RAD51B: variants seen among roughly 807,000 people sequenced by gnomAD.
RAD51B encodes DNA repair protein RAD51 homolog 2.
A neutral mutation model predicts 42.2 loss-of-function variants in RAD51B; 38 were observed. The observed-to-expected ratio is 0.90, with a 90% CI of 0.70 to 1.18. The LOEUF (loss-of-function observed/expected upper bound fraction) is 1.18. Among genes scored for constraint, RAD51B ranks in the 50% most tolerant of loss-of-function variants. The probability of loss-of-function intolerance (pLI) is 0.00; values close to 1 mark genes in which losing one functional copy is unlikely to be tolerated. For synonymous variants in RAD51B, 154 were observed against 145.2 expected (o/e 1.06, Z -0.43); for missense variants, 373 against 400.7 (o/e 0.93, Z 0.59).
chr14:68,660,550 C>A (rs1054337274), intron 11 of RAD51B, among the ~76,000 whole-genome samples: 4 of 152,196 alleles, frequency 2.6e-5, no homozygotes, highest in African/African-American at 9.7e-5. Flanking sequence ...GAGACCGAAT[C>A]AGCTCCTGGT....
At chr14:68,604,148 G>A (rs1891339729) in intron 10 of RAD51B, among the ~76,000 whole-genome samples, 1 of 152,228 alleles carries the variant, frequency 6.6e-6, no homozygotes, top group Admixed American at 6.5e-5. Context: ...AGTCCGTCTA[G>A]AAAGTCGCCT....
At chr14:68,424,056 C>T (rs1055210620) in intron 9 of RAD51B, among the ~76,000 whole-genome samples, 1 of 152,192 alleles carries the variant, frequency 6.6e-6, no homozygotes, top group Admixed American at 6.5e-5. Context: ...GTCTCTGTGG[C>T]ATCTTGCCCA....
chr14:68,457,814 T>C (rs2085739259), intron 9 of RAD51B, among the ~76,000 whole-genome samples: 1 of 147,866 alleles, frequency 6.8e-6, no homozygotes, highest in Non-Finnish European at 1.5e-5. Context: ...AGGGTTTCAC[T>C]ATGTTACCCA....
chr14:68,315,968 G>A (rs1242672783), intron 8 of RAD51B, among the ~76,000 whole-genome samples: 1 of 152,190 alleles, frequency 6.6e-6, no homozygotes, highest in African/African-American at 2.4e-5. Context: ...TCGTAGTGTT[G>A]TAATAAATAT....
At chr14:68,388,935 G>A (rs2083671364) in intron 8 of RAD51B, among the ~76,000 whole-genome samples, 1 of 152,084 alleles carries the variant, frequency 6.6e-6, no homozygotes, top group South Asian at 2.1e-4. Flanking sequence ...TCACAAGTCG[G>A]GAGCCTTCAA....
rs112102514 is a variant in RAD51B, at chr14:68,583,100, G to A, written c.1037-11385G>A. On this transcript the variant is annotated intron_variant, in intron 10 of 10. Transcript: ENST00000487270. The stretch of plus-strand genomic sequence containing the variant: ...ACAACCATGGCATGTGTATACCAGT[G>A]TAACAAATCTGCACGTTCTGCACAT... 3.5e-3 allele frequency among the ~76,000 whole-genome samples: 528 copies of A among 152,284 alleles called. 3 individuals are homozygous for A. The highest frequency in any genetic ancestry group is 0.012 in the African/African-American group (488 of 41,564).
chr14:68,651,111 A>G (rs1402465582), intron 11 of RAD51B, among the ~76,000 whole-genome samples: 1 of 152,230 alleles, frequency 6.6e-6, no homozygotes, highest in Non-Finnish European at 1.5e-5. Flanking sequence ...AAAACCTGGT[A>G]AGCATATGAC....
chr14:68,326,038 C>CTTTTTTTTTTTT (rs763428544), intron 8 of RAD51B, among the ~76,000 whole-genome samples: 3 of 80,464 alleles, frequency 3.7e-5, no homozygotes, highest in Admixed American at 1.6e-4. Context: ...TTTTTCTTTT[C>CTTTTTTTTTTTT]TTTTTTTTTT....
chr14:68,424,789 C>G (rs1467842687), intron 9 of RAD51B, among the ~76,000 whole-genome samples: 1 of 151,848 alleles, frequency 6.6e-6, no homozygotes, highest in Non-Finnish European at 1.5e-5. Context: ...CTTTTTTTTC[C>G]TTAGAGACAG....
At chr14:68,600,301 G>T (rs1891164899), downstream of RAD51B, among the ~76,000 whole-genome samples, 1 of 152,182 alleles carries the variant, frequency 6.6e-6, no homozygotes. Flanking sequence ...CAGGGGACTG[G>T]GCCCGTCATG....
intron 7 of RAD51B, among the ~76,000 whole-genome samples, chr14:68,236,884 G>A (rs1242775618): frequency 6.6e-6 from 1 of 152,154 alleles, no homozygotes; most frequent in East Asian, 1.9e-4. Flanking sequence ...CCACACAAAG[G>A]AGTGTCATTT....
intron 9 of RAD51B, among the ~76,000 whole-genome samples, chr14:68,419,637 A>T (rs1283818425): frequency 6.6e-6 from 1 of 152,224 alleles, no homozygotes; most frequent in Admixed American, 6.5e-5. Context: ...TCCTACAGAC[A>T]GCCATTTGTG....
chr14:68,123,573 C>T (rs1016111148), intron 7 of RAD51B, among the ~76,000 whole-genome samples: 11 of 151,910 alleles, frequency 7.2e-5, no homozygotes, highest in African/African-American at 1.7e-4. Context: ...TTTGGGAGGC[C>T]GAGATGGGTG....
intron 5 of RAD51B, among the ~76,000 whole-genome samples, chr14:67,884,361 T>A (rs962243736): frequency 2.0e-5 from 3 of 152,194 alleles, no homozygotes; most frequent in African/African-American, 7.2e-5. Context: ...TTGTTGCTAA[T>A]GAGCTAGGTA....
intron 9 of RAD51B, among the ~76,000 whole-genome samples, chr14:68,433,725 C>G (rs2085073729): frequency 6.6e-6 from 1 of 152,202 alleles, no homozygotes; most frequent in Non-Finnish European, 1.5e-5. Flanking sequence ...GTTTGATCAT[C>G]TGAAGCCTTC....
intron 1 of RAD51B, among the ~76,000 whole-genome samples, chr14:67,821,430 C>A (rs1312349546): frequency 1.3e-5 from 2 of 152,008 alleles, no homozygotes; most frequent in African/African-American, 2.4e-5. Flanking sequence ...TGTTAAAGTC[C>A]TTGTAGTTTA....
At chr14:68,315,872 T>C (rs1409393809) in intron 8 of RAD51B, among the ~76,000 whole-genome samples, 1 of 152,184 alleles carries the variant, frequency 6.6e-6, no homozygotes, top group Non-Finnish European at 1.5e-5. Flanking sequence ...TTTCTACTAC[T>C]AGAACAAGTC....
chr14:68,108,795 CG>C (rs1490397686), intron 7 of RAD51B, among the ~76,000 whole-genome samples: 4 of 151,822 alleles, frequency 2.6e-5, no homozygotes, highest in Non-Finnish European at 5.9e-5. Flanking sequence ...AAAATTGTTA[CG>C]TATATATTTT....
chr14:68,082,359 A>T (rs2076924634), intron 7 of RAD51B, among the ~76,000 whole-genome samples: 1 of 152,128 alleles, frequency 6.6e-6, no homozygotes, highest in Non-Finnish European at 1.5e-5. Context: ...ACGTAGGAAG[A>T]AGTTTTGTTT....
Sources: allele counts gnomAD v4.1 joint callset (sites outside exome capture counted in the v4.1 genomes callset), GRCh38; gene constraint gnomAD v4.1.1; transcripts MANE v1.5; gene names NCBI Gene and HGNC (gene_info 2026-07-23, HGNC 2026-07-21).